Variants in PTPRN2 observed in about 807,000 individuals in gnomAD.
PTPRN2 encodes the protein receptor-type tyrosine-protein phosphatase N2.
PTPRN2 carries 74 observed loss-of-function variants against 118.8 expected under a neutral mutation model. The ratio of observed to expected loss-of-function variants is 0.62; its 90% CI spans 0.52 to 0.76. The LOEUF is 0.76. PTPRN2 is among the 30% of genes least tolerant of loss of function. PTPRN2 has a pLI of 0.00. For missense variants in PTPRN2, 1,481 were observed against 1,394.4 expected (o/e 1.06, Z -0.99); for synonymous variants, 641 against 608.0 (o/e 1.05, Z -0.80).
intron 10 of PTPRN2, among the ~76,000 whole-genome samples, chr7:158,091,538 T>A (rs1814124100): frequency 6.6e-6 from 1 of 152,080 alleles, no homozygotes; most frequent in Non-Finnish European, 1.5e-5. Context: ...ATTTGACACC[T>A]GGATTTGGAG....
In PTPRN2 at chr7:157,977,341, G is replaced by T. The variant is rs79780447; in HGVS notation, c.1724-78604C>A. 6.6e-6 allele frequency among the ~76,000 whole-genome samples: 1 copy of T among 151,890 alleles called. No individual in the cohort carries two copies. Among genetic ancestry groups the T allele is most frequent in the Non-Finnish European group, 1.5e-5 (1 of 67,946 alleles). Reference sequence around the variant, plus strand: ...TTCTGATCAGGGCTCTGAGCTCTGCGTCAAGTGGGAGGGGTTAATGTGCTC... The same window carrying T: ...TTCTGATCAGGGCTCTGAGCTCTGCTTCAAGTGGGAGGGGTTAATGTGCTC... On this transcript the variant is annotated intron_variant, in intron 11 of 22. Coordinates refer to ENST00000389418, the MANE Select transcript of PTPRN2 (RefSeq NM_002847.5). This position sits in a 1 kb window ranked among gnomAD's most constrained non-coding sequence, Gnocchi z 4.6.
intron 6 of PTPRN2, among the ~76,000 whole-genome samples, chr7:158,149,128 C>G (rs1352074233): frequency 1.3e-5 from 2 of 151,268 alleles, no homozygotes; most frequent in East Asian, 2.0e-4. Flanking sequence ...CAATGACACC[C>G]CATCTCACGC....
intron 13 of PTPRN2, among the ~76,000 whole-genome samples, chr7:157,658,627 C>T (rs1795722112): frequency 6.6e-6 from 1 of 152,224 alleles, no homozygotes. Context: ...CGCTCACCTT[C>T]AGGGTGCAGC....
chr7:158,370,659 G>A (rs1416103361), intron 2 of PTPRN2, among the ~76,000 whole-genome samples: 3 of 151,860 alleles, frequency 2.0e-5, no homozygotes, highest in African/African-American at 7.3e-5. Flanking sequence ...GGCTGAAGCA[G>A]GAGAATGCCA....
intron 15 of PTPRN2, among the ~76,000 whole-genome samples, chr7:157,612,963 G>T (rs1441140832): frequency 6.6e-6 from 1 of 152,110 alleles, no homozygotes; most frequent in Non-Finnish European, 1.5e-5. Context: ...GCGGCTCCGT[G>T]AAGACACAGC....
chr7:158,061,116 G>A (rs1243317265), intron 11 of PTPRN2, among the ~76,000 whole-genome samples: 1 of 152,262 alleles, frequency 6.6e-6, no homozygotes, highest in African/African-American at 2.4e-5. Flanking sequence ...TCAGCTGCCG[G>A]CTCACTGAAG....
intron 12 of PTPRN2, among the ~76,000 whole-genome samples, chr7:157,695,960 CCCA>C (rs1797749681): frequency 6.6e-6 from 1 of 150,814 alleles, no homozygotes; most frequent in Non-Finnish European, 1.5e-5. Flanking sequence ...TCACCATCTA[CCCA>C]TGCATACTGG....
chr7:158,320,656 A>G (rs896455648), intron 2 of PTPRN2, among the ~76,000 whole-genome samples: 5 of 152,222 alleles, frequency 3.3e-5, no homozygotes, highest in African/African-American at 4.8e-5. Context: ...GTGTATCGGT[A>G]TCTCATGATT....
At chr7:157,940,001 G>A (rs1209442660) in intron 11 of PTPRN2, among the ~76,000 whole-genome samples, 4 of 152,338 alleles carry the variant, frequency 2.6e-5, no homozygotes, top group Admixed American at 2.6e-4. Context: ...CGCCGCATGG[G>A]CAGCAGAGAG....
rs145832938 is a variant in PTPRN2, at chr7:157,734,192, T to G, written c.1789-51255A>C. ...CACCCCATGCACCCAGCACAGTTAC[T>G]CTTTTCCGTCCCATGCGCCCAGCAC... On this transcript the variant is annotated intron_variant, in intron 12 of 22. Coordinates refer to ENST00000389418, the MANE Select transcript of PTPRN2 (RefSeq NM_002847.5). Among the ~76,000 whole-genome samples, 12 of 71,672 alleles carry G rather than the reference T, an allele frequency of 1.7e-4. 2 individuals carry two copies. The highest frequency in any genetic ancestry group is 7.0e-4 in the African/African-American group (11 of 15,738). The allele number at this position is 71,672 out of a possible 152,430, so 47.0% of individuals were successfully genotyped here. A position where few individuals can be genotyped will look rare whatever the true frequency, so the allele number is the denominator to read the frequency against.
At chr7:157,843,522 T>C (rs894799599) in intron 12 of PTPRN2, among the ~76,000 whole-genome samples, 1 of 152,118 alleles carries the variant, frequency 6.6e-6, no homozygotes, top group Non-Finnish European at 1.5e-5. Flanking sequence ...CCTGGAGAAG[T>C]CAAGAGGTCC....
chr7:157,681,996 C>T (rs1269929409), intron 13 of PTPRN2, among the ~76,000 whole-genome samples: 1 of 152,202 alleles, frequency 6.6e-6, no homozygotes, highest in East Asian at 1.9e-4. Context: ...GAATCAAACG[C>T]CTTGACTGGT....
chr7:158,277,942 G>C (rs1447940618), intron 3 of PTPRN2, among the ~76,000 whole-genome samples: 3 of 149,276 alleles, frequency 2.0e-5, no homozygotes, highest in Admixed American at 6.7e-5. Context: ...AGGCACACAA[G>C]GGGGGGATGG....
At chr7:158,422,363 C>T (rs2129423462) in intron 2 of PTPRN2, among the ~76,000 whole-genome samples, 1 of 152,318 alleles carries the variant, frequency 6.6e-6, no homozygotes, top group East Asian at 1.9e-4. Flanking sequence ...TACCAACAAA[C>T]CCCATCAATG....
rs1254954239 is a variant in PTPRN2 at position 157,674,729 on chromosome 7, CG to C, written c.2001+7995del. Among the ~76,000 whole-genome samples the C allele has an allele frequency of 6.6e-6, 1 of 152,240 alleles. No individual in the cohort carries two copies. The highest frequency in any genetic ancestry group is 2.4e-5 in the African/African-American group (1 of 41,468). On this transcript the variant is annotated intron_variant, in intron 13 of 22. Transcript: ENST00000389418. The surrounding 1 kb of genome is among the most constrained non-coding windows in gnomAD (Gnocchi z 4.5). ...CCCTCGGCCCCAAGGTGAGGCCCCGCGCAGGTACCTCTGTACACGCCTGTGG... is the reference window on the plus strand; with the variant it reads ...CCCTCGGCCCCAAGGTGAGGCCCCGCCAGGTACCTCTGTACACGCCTGTGG...
At chr7:158,054,046 G>A (rs1217673721) in intron 11 of PTPRN2, among the ~76,000 whole-genome samples, 5 of 151,666 alleles carry the variant, frequency 3.3e-5, no homozygotes, top group Admixed American at 1.3e-4. Flanking sequence ...AGAGACCCCA[G>A]AGATGCAGAG....
chr7:158,367,092 A>G (rs1246683724), intron 2 of PTPRN2, among the ~76,000 whole-genome samples: 2 of 152,154 alleles, frequency 1.3e-5, no homozygotes, highest in African/African-American at 4.8e-5. Flanking sequence ...GGAATGAGAG[A>G]CAAGCTCAGG....
At chr7:157,606,908 C>CT (rs1802034057) in intron 15 of PTPRN2, among the ~76,000 whole-genome samples, 2 of 152,174 alleles carry the variant, frequency 1.3e-5, no homozygotes, top group Non-Finnish European at 2.9e-5. Context: ...TGACACCTTC[C>CT]TTCAGGTAGG....
At chr7:158,081,502 A>C (rs1812844154) in intron 10 of PTPRN2, 125 bp from the exon 11 acceptor site, 1 of 828,156 alleles carries the variant, frequency 1.2e-6, no homozygotes, top group East Asian at 2.6e-5. Context: ...CTGTGGCTCC[A>C]GGCGTCGACT....
Sources: gnomAD v4.1 joint callset for allele counts (sites outside exome capture counted in the v4.1 genomes callset) on GRCh38, gnomAD v4.1.1 for gene constraint, Gnocchi (gnomAD v3.1) non-coding constraint, MANE v1.5 for transcripts, NCBI Gene and HGNC (gene_info 2026-07-23, HGNC 2026-07-21) for gene names.